Variants in PHF20 observed in about 807,000 individuals in gnomAD.
PHF20 encodes the protein PHD finger protein 20.
A neutral mutation model predicts 113.5 loss-of-function variants in PHF20; 23 were observed. The observed-to-expected ratio is 0.20, with a 90% CI of 0.15 to 0.29. PHF20 has a LOEUF of 0.29. Among genes scored for constraint, PHF20 ranks in the 10% least tolerant of loss-of-function variants. PHF20 has a pLI of 1.00. For missense variants in PHF20, 943 were observed against 1,219.6 expected (o/e 0.77, Z 3.38); for synonymous variants, 434 against 457.3 (o/e 0.95, Z 0.65).
In PHF20 at chr20:35,899,404, G is replaced by A; in HGVS notation, c.1317G>A (p.Gly439=). The change falls in exon 10 of 18, where the codon GGG becomes GGA. Residue 439 remains glycine (G), a synonymous_variant. Transcript: ENST00000374012. ...CTTTTAAGAAAACAGATGATTTTGG[G>A]TCATCTAATGCACCAGCTGTCGACC... ...TNTFKKTDDF[G]SSNAPAVDLD... is the part of the protein sequence containing the mutation. 1 of 1,611,302 alleles carries A rather than the reference G, an allele frequency of 6.2e-7. No homozygotes were observed. The highest frequency in any genetic ancestry group is 8.5e-7 in the Non-Finnish European group (1 of 1,178,066).
At chr20:35,842,867 C>A in intron 3 of PHF20, 123 bp downstream of exon 3, 1 of 744,564 alleles carries the variant, frequency 1.3e-6, no homozygotes, top group Non-Finnish European at 2.2e-6. Flanking sequence ...AGTTGTAACC[C>A]TGAGATCTCT....
chr20:35,876,293 G>A (rs1389554848), intron 9 of PHF20, among the ~76,000 whole-genome samples: 2 of 151,968 alleles, frequency 1.3e-5, no homozygotes, highest in East Asian at 3.9e-4. Context: ...AGAGATGGCC[G>A]GGCCTGGTGG....
At chr20:35,777,438 G>A (rs1362657335) in intron 1 of PHF20, among the ~76,000 whole-genome samples, 2 of 152,240 alleles carry the variant, frequency 1.3e-5, no homozygotes, top group Non-Finnish European at 2.9e-5. Flanking sequence ...CAGTTGCCTG[G>A]TATGTCTTCC....
intron 2 of PHF20, among the ~76,000 whole-genome samples, chr20:35,839,626 G>C (rs767402659): frequency 1.3e-5 from 2 of 152,190 alleles, no homozygotes; most frequent in Non-Finnish European, 2.9e-5. Context: ...CAATTAGCCA[G>C]TCTGTTGTCA....
At chr20:35,809,348 C>G (rs2041938046) in intron 2 of PHF20, among the ~76,000 whole-genome samples, 1 of 151,710 alleles carries the variant, frequency 6.6e-6, no homozygotes, top group African/African-American at 2.4e-5. Flanking sequence ...GGAGGCCAAG[C>G]CTGGTGGATC....
intron 9 of PHF20, among the ~76,000 whole-genome samples, chr20:35,896,769 C>G (rs998611675): frequency 1.8e-4 from 27 of 147,756 alleles, no homozygotes; most frequent in Middle Eastern, 7.4e-3. Flanking sequence ...CCATTGCACT[C>G]CAGCCTGGAC....
At position 35,870,717 on chromosome 20, in the gene PHF20, CT is replaced by C. The variant is rs1415809881; in HGVS notation, c.923-237del. ...ATAGTTGTCAAGATTCGGACATGAC[CT>C]AGCACATGTTTTCAGACCATGAATC... On this transcript the variant is annotated intron_variant, in intron 7 of 17. Coordinates refer to ENST00000374012, the MANE Select transcript of PHF20 (RefSeq NM_016436.5). Among the ~76,000 whole-genome samples, 4 of 152,210 alleles carry C rather than the reference CT, an allele frequency of 2.6e-5. No individual in the cohort carries two copies. The East Asian group carries it at 7.7e-4, about 29-fold the overall frequency.
intron 15 of PHF20, among the ~76,000 whole-genome samples, chr20:35,935,421 C>T (rs975960691): frequency 6.6e-6 from 1 of 152,160 alleles, no homozygotes; most frequent in African/African-American, 2.4e-5. Context: ...GGCTGGAGTG[C>T]AGTGGTATGA....
intron 2 of PHF20, among the ~76,000 whole-genome samples, chr20:35,834,494 G>A (rs1309156037): frequency 2.0e-5 from 3 of 151,966 alleles, no homozygotes; most frequent in South Asian, 4.2e-4. Flanking sequence ...TGGGTGATCC[G>A]CCCGCCTCAG....
chr20:35,835,175 T>C (rs964869994), intron 2 of PHF20, among the ~76,000 whole-genome samples: 1 of 152,106 alleles, frequency 6.6e-6, no homozygotes, highest in African/African-American at 2.4e-5. Flanking sequence ...CTCAGGAGGC[T>C]GAGGCAGGAG....
intron 10 of PHF20, among the ~76,000 whole-genome samples, chr20:35,911,352 A>G (rs999330514): frequency 2.6e-5 from 4 of 151,952 alleles, no homozygotes; most frequent in African/African-American, 9.7e-5. Flanking sequence ...TGCTGTTCCT[A>G]CCTTTATTGC....
intron 7 of PHF20, among the ~76,000 whole-genome samples, chr20:35,870,219 G>A (rs970866405): frequency 1.3e-5 from 2 of 150,226 alleles, no homozygotes; most frequent in African/African-American, 2.5e-5. Flanking sequence ...CAGAAGAATG[G>A]CATGAACCCG....
intron 9 of PHF20, among the ~76,000 whole-genome samples, chr20:35,888,968 GC>G (rs1189398318): frequency 6.6e-6 from 1 of 150,886 alleles, no homozygotes; most frequent in African/African-American, 2.4e-5. Flanking sequence ...GTAGACTTTG[GC>G]CCAGCAGGCC....
At position 35,871,609 on chromosome 20, in the gene PHF20, A is replaced by C. The variant is rs116408556; in HGVS notation, c.1103-41A>C. 2.4e-4 allele frequency: 369 copies of C among 1,515,046 alleles called. No individual in the cohort carries two copies. In the African/African-American group the frequency reaches 4.8e-3, roughly 20 times the overall value. The allele number at this position is 1,515,046 out of a possible 1,614,324, so 93.9% of individuals were successfully genotyped here. On this transcript the variant is annotated intron_variant, in intron 8 of 17. Coordinates refer to ENST00000374012, the MANE Select transcript of PHF20 (RefSeq NM_016436.5). ...GTAGGACTTTTGATTTCAGAATTACATACATGTATATTTCCCCCAAACTTT... is the reference window on the plus strand; with the variant it reads ...GTAGGACTTTTGATTTCAGAATTACCTACATGTATATTTCCCCCAAACTTT...
At chr20:35,816,478 TTGC>T (rs1177262856) in intron 2 of PHF20, among the ~76,000 whole-genome samples, 1 of 151,728 alleles carries the variant, frequency 6.6e-6, no homozygotes, top group African/African-American at 2.4e-5. Flanking sequence ...AGACGGAATT[TTGC>T]TGTTGTCATC....
intron 5 of PHF20, among the ~76,000 whole-genome samples, chr20:35,861,553 A>C (rs957925196): frequency 6.6e-6 from 1 of 152,300 alleles, no homozygotes; most frequent in African/African-American, 2.4e-5. Flanking sequence ...TTGTGTAACC[A>C]ATTCCCAAAT....
Position 35,837,003 on chromosome 20 carries a change from C to G in PHF20, c.84-5570C>G, listed in dbSNP as rs188320360. Among the ~76,000 whole-genome samples, 4 of 152,078 alleles carry G rather than the reference C, an allele frequency of 2.6e-5. No homozygotes were observed. In the East Asian group the frequency reaches 5.8e-4, roughly 22 times the overall value. On this transcript the variant is annotated intron_variant, in intron 2 of 17. Coordinates refer to ENST00000374012, the MANE Select transcript of PHF20 (RefSeq NM_016436.5). ...TGAGCAACATGGCAAAACCCCGTTTCTACAAAAAATACCAAAAAAGTATCT... is the reference window on the plus strand; with the variant it reads ...TGAGCAACATGGCAAAACCCCGTTTGTACAAAAAATACCAAAAAAGTATCT...
At chr20:35,931,824 G>A (rs760573198) in intron 15 of PHF20, among the ~76,000 whole-genome samples, 6 of 151,912 alleles carry the variant, frequency 3.9e-5, no homozygotes, top group Middle Eastern at 3.4e-3. Context: ...GCTGGTGTGC[G>A]CCTGTAATCT....
intron 1 of PHF20, among the ~76,000 whole-genome samples, chr20:35,788,577 A>C (rs1198930823): frequency 2.7e-5 from 4 of 149,870 alleles, no homozygotes; most frequent in African/African-American, 4.9e-5. Context: ...GAGAAGGCTG[A>C]GGTTACCTCT....
Sources: gnomAD v4.1 joint callset for allele counts (sites outside exome capture counted in the v4.1 genomes callset) on GRCh38, gnomAD v4.1.1 for gene constraint, MANE v1.5 for transcripts, NCBI Gene and HGNC (gene_info 2026-07-23, HGNC 2026-07-21) for gene names.